The following SMIM41 variants were observed in gnomAD, a reference collection of about 807,000 sequenced individuals.
The protein encoded by SMIM41 is small integral membrane protein 41.
chr12:52,080,064 G>T lies in SMIM41; in HGVS notation c.*3G>T, dbSNP rs1194391227. The T allele has an allele frequency of 8.3e-6, 3 of 360,924 alleles. No homozygotes were observed. Among genetic ancestry groups the T allele is most frequent in the African/African-American group, 2.1e-5 (1 of 47,084 alleles). The allele number at this position is 360,924 out of a possible 1,614,324, so 22.4% of individuals were successfully genotyped here. A position where few individuals can be genotyped will look rare whatever the true frequency, so the allele number is the denominator to read the frequency against. On this transcript the variant is annotated 3_prime_UTR_variant, in exon 1 of 3. Transcript: ENST00000546390. ...AGGACGGCGACGACGACTCCTAGGC[G>T]CCCGGCTGCGCTCGGTGGTCGCGGC...
intron 1 of SMIM41, among the ~76,000 whole-genome samples, chr12:52,082,338 A>G (rs1939830415): frequency 6.6e-6 from 1 of 152,078 alleles, no homozygotes; most frequent in Non-Finnish European, 1.5e-5. Flanking sequence ...CACCCAGGAC[A>G]GGGCTGGGGC....
rs7136881 is a variant in SMIM41 at position 52,088,641 on chromosome 12, C to T, written c.*195+4673C>T. ...GACGGAAAGCTTTGTTTCATGTCCC[C>T]GGCCGCCACCTCGCCTTGCACCTGG... On this transcript the variant is annotated intron_variant, in intron 2 of 2. Coordinates refer to ENST00000546390, the MANE Select transcript of SMIM41 (RefSeq NM_001369216.1). 8.4e-3 allele frequency among the ~76,000 whole-genome samples: 1,276 copies of T among 152,300 alleles called. 21 individuals carry two copies. Among genetic ancestry groups the T allele is most frequent in the African/African-American group, 0.028 (1,172 of 41,550 alleles).
chr12:52,096,559 A>C (rs762675210), intron 2 of SMIM41, among the ~76,000 whole-genome samples: 8 of 151,784 alleles, frequency 5.3e-5, no homozygotes, highest in Non-Finnish European at 1.0e-4. Context: ...TTGATAATAA[A>C]AAGTTTTTGG....
chr12:52,081,681 C>A lies in SMIM41; in HGVS notation c.*120+1500C>A, dbSNP rs1479969505. Among the ~76,000 whole-genome samples the A allele has an allele frequency of 6.6e-5, 10 of 152,154 alleles. No homozygotes were observed. The highest frequency in any genetic ancestry group is 1.7e-4 in the African/African-American group (7 of 41,428). On this transcript the variant is annotated intron_variant, in intron 1 of 2. Transcript: ENST00000546390. This position sits in a 1 kb window ranked among gnomAD's most constrained non-coding sequence, Gnocchi z 4.1. ...TGGGAACTTCCTCTCTTGATTGTACCCGGTTTCACCCAGCTGCCTTGCCTG... is the reference window on the plus strand; with the variant it reads ...TGGGAACTTCCTCTCTTGATTGTACACGGTTTCACCCAGCTGCCTTGCCTG...
intron 2 of SMIM41, among the ~76,000 whole-genome samples, chr12:52,099,826 C>A (rs1038373167): frequency 6.6e-6 from 1 of 151,936 alleles, no homozygotes; most frequent in African/African-American, 2.4e-5. Context: ...GGGATGTGCA[C>A]CTTCTGCGAT....
Position 52,083,198 on chromosome 12 carries a change from C to T in SMIM41, c.*121-696C>T, listed in dbSNP as rs560990070. On this transcript the variant is annotated intron_variant, in intron 1 of 2. Transcript: ENST00000546390. The stretch of plus-strand genomic sequence containing the variant: ...CCCCCTGCCTTCTGGCCTCTGAGGA[C>T]ATGAGTGCAGCGCCTGTACTGTCTG... Among the ~76,000 whole-genome samples the T allele has an allele frequency of 1.6e-3, 244 of 152,282 alleles. 1 individual carries two copies. The highest frequency in any genetic ancestry group is 4.9e-3 in the African/African-American group (202 of 41,552).
chr12:52,103,401 GAC>G (rs1189014716), intron 2 of SMIM41, among the ~76,000 whole-genome samples: 1 of 150,044 alleles, frequency 6.7e-6, no homozygotes, highest in Non-Finnish European at 1.5e-5. Context: ...AGGCACTTCT[GAC>G]ACAGGCTGCA....
chr12:52,084,825 TG>T (rs757141481), intron 2 of SMIM41: 2 of 152,084 alleles, frequency 1.3e-5, no homozygotes, highest in Non-Finnish European at 2.9e-5. Flanking sequence ...TTAAAGAACT[TG>T]GGGGTAAGTC....
At chr12:52,084,767 G>C (rs1939869380) in intron 2 of SMIM41, 1 of 152,596 alleles carries the variant, frequency 6.6e-6, no homozygotes, top group African/African-American at 2.4e-5. Flanking sequence ...GGAGCAGTGA[G>C]GTGTCTGGAA....
chr12:52,089,418 G>A (rs1939945351), intron 2 of SMIM41, among the ~76,000 whole-genome samples: 1 of 151,950 alleles, frequency 6.6e-6, no homozygotes, highest in Admixed American at 6.6e-5. Context: ...AACACAGTGA[G>A]ACCCCCTTCC....
At chr12:52,101,756 A>C (rs2120715524) in intron 2 of SMIM41, among the ~76,000 whole-genome samples, 1 of 151,444 alleles carries the variant, frequency 6.6e-6, no homozygotes, top group East Asian at 2.0e-4. Context: ...CTTGTTGCCC[A>C]GGCTGGAGTG....
At chr12:52,089,846 C>T (rs955765460) in intron 2 of SMIM41, among the ~76,000 whole-genome samples, 2 of 152,142 alleles carry the variant, frequency 1.3e-5, no homozygotes, top group African/African-American at 4.8e-5. Context: ...AGTATGACCT[C>T]GTCTTAATTT....
At position 52,108,220 on chromosome 12, in the gene SMIM41, G is replaced by A. The variant is rs927089428; in HGVS notation, c.*1037G>A. 2.7e-5 allele frequency: 5 copies of A among 185,538 alleles called. No individual in the cohort carries two copies. Among genetic ancestry groups the A allele is most frequent in the Non-Finnish European group, 3.3e-5 (3 of 89,714 alleles). The allele number at this position is 185,538 out of a possible 1,614,324, so 11.5% of individuals were successfully genotyped here. A position where few individuals can be genotyped will look rare whatever the true frequency, so the allele number is the denominator to read the frequency against. On this transcript the variant is annotated 3_prime_UTR_variant, in exon 3 of 3. Coordinates refer to ENST00000546390, the MANE Select transcript of SMIM41 (RefSeq NM_001369216.1). ...CCCTTTATCTACAGCCTGGGAAACA[G>A]GGATATTAAAAGTGTCTTGCGGCGG...
At chr12:52,089,698 C>T (rs552161101) in intron 2 of SMIM41, among the ~76,000 whole-genome samples, 81 of 152,320 alleles carry the variant, frequency 5.3e-4, no homozygotes, top group African/African-American at 1.8e-3. Context: ...TGGTGGTGGC[C>T]GGCAATATCT....
intron 2 of SMIM41, among the ~76,000 whole-genome samples, chr12:52,105,565 A>C (rs1223936694): frequency 6.6e-6 from 1 of 152,170 alleles, no homozygotes. Context: ...AGCCTGGCCA[A>C]CATGGTGAAA....
chr12:52,080,553 G>A (rs1338874727), intron 1 of SMIM41, among the ~76,000 whole-genome samples: 2 of 152,134 alleles, frequency 1.3e-5, no homozygotes, highest in Admixed American at 1.3e-4. Flanking sequence ...GTGCTTTGGG[G>A]GCTTCTTCCC....
chr12:52,081,918 C>T lies in SMIM41; in HGVS notation c.*120+1737C>T, dbSNP rs1186024448. 6.6e-6 allele frequency: 1 copy of T among 152,306 alleles called. No individual in the cohort carries two copies. Among genetic ancestry groups the T allele is most frequent in the Non-Finnish European group, 1.5e-5 (1 of 68,084 alleles). 9.4% of individuals were successfully genotyped at this position (152,306 alleles called of 1,614,324 possible). A position where few individuals can be genotyped will look rare whatever the true frequency, so the allele number is the denominator to read the frequency against. ...CTCTCACTCTGTCCTCTTCCCTTCC[C>T]TGCTTTCTCATCACTCTTTGAGATG... On this transcript the variant is annotated intron_variant, in intron 1 of 2. Coordinates refer to ENST00000546390, the MANE Select transcript of SMIM41 (RefSeq NM_001369216.1). The surrounding 1 kb of genome is among the most constrained non-coding windows in gnomAD (Gnocchi z 4.1).
chr12:52,088,529 A>G (rs545796934), intron 2 of SMIM41, among the ~76,000 whole-genome samples: 1 of 152,148 alleles, frequency 6.6e-6, no homozygotes, highest in Non-Finnish European at 1.5e-5. Flanking sequence ...CAGGTTCTGC[A>G]TCTTAGAGGA....
At position 52,101,988 on chromosome 12, in the gene SMIM41, C is replaced by T. The variant is rs904387235; in HGVS notation, c.*196-5391C>T. 7.2e-5 allele frequency among the ~76,000 whole-genome samples: 11 copies of T among 152,232 alleles called. No individual in the cohort carries two copies. In the East Asian group the frequency reaches 7.7e-4, roughly 11 times the overall value. The stretch of plus-strand genomic sequence containing the variant: ...TCGGCCTCCCAAAGTGCTGGGATTA[C>T]AGGCGTGAGCAACTGCGCTCGGCCC... On this transcript the variant is annotated intron_variant, in intron 2 of 2. Transcript: ENST00000546390.
Sources: allele counts gnomAD v4.1 joint callset (sites outside exome capture counted in the v4.1 genomes callset), GRCh38; gene constraint gnomAD v4.1.1; non-coding constraint Gnocchi (gnomAD v3.1); transcripts MANE v1.5; gene names NCBI Gene and HGNC (gene_info 2026-07-23, HGNC 2026-07-21).